The following TRMT11 variants were observed in gnomAD, a reference collection of about 807,000 sequenced individuals.
The protein encoded by TRMT11 is tRNA (guanine(10)-N(2))-methyltransferase TRMT11.
TRMT11 carries 53 observed loss-of-function variants against 62.8 expected under a neutral mutation model. The observed-to-expected ratio is 0.84, with a 90% CI of 0.68 to 1.06. TRMT11 has a LOEUF of 1.06. TRMT11 is among the 50% of genes least tolerant of loss of function. TRMT11 has a pLI of 0.00. For synonymous variants in TRMT11, 188 were observed against 190.3 expected (o/e 0.99, Z 0.10); for missense variants, 556 against 553.4 (o/e 1.00, Z -0.05).
At chr6:126,009,494 A>G (rs1343778802) in intron 8 of TRMT11, 1 of 152,012 alleles carries the variant, frequency 6.6e-6, no homozygotes, top group African/African-American at 2.4e-5. Flanking sequence ...GTTGGTATTC[A>G]TTATAATAAC....
At chr6:126,235,863 A>C in the TRMT11 span, among the ~76,000 whole-genome samples, 5 of 152,238 alleles carry the variant, frequency 3.3e-5, no homozygotes, top group East Asian at 1.9e-4. Context: ...ACTTAAAAAA[A>C]AGTTGGAAAT....
intron 1 of TRMT11, among the ~76,000 whole-genome samples, chr6:126,193,692 A>C (rs1778632073): frequency 6.6e-6 from 1 of 151,352 alleles, no homozygotes. Flanking sequence ...ACGGGGTTTC[A>C]CCATTCTAGC....
chr6:126,032,739 C>A (rs962765144), intron 12 of TRMT11, among the ~76,000 whole-genome samples: 1 of 152,166 alleles, frequency 6.6e-6, no homozygotes, highest in African/African-American at 2.4e-5. Flanking sequence ...ACTGTACGTA[C>A]AAGCTCTGTG....
intron 21 of TRMT11, among the ~76,000 whole-genome samples, chr6:126,120,299 A>G (rs1777634810): frequency 6.6e-6 from 1 of 152,120 alleles, no homozygotes; most frequent in South Asian, 2.1e-4. Flanking sequence ...AAATATGCTA[A>G]TAATATGATC....
chr6:126,060,989 C>CT (rs1215805110), intron 17 of TRMT11, among the ~76,000 whole-genome samples: 2 of 152,328 alleles, frequency 1.3e-5, no homozygotes, highest in African/African-American at 4.8e-5. Context: ...TCAAATCTTT[C>CT]TAAGAGTTGC....
At chr6:126,254,514 T>C in the TRMT11 span, among the ~76,000 whole-genome samples, 1 of 152,238 alleles carries the variant, frequency 6.6e-6, no homozygotes, top group Non-Finnish European at 1.5e-5. Context: ...GTGAGTCTCA[T>C]GAGGGGCTTA....
At chr6:126,181,485 T>C (rs1778466515) in intron 1 of TRMT11, among the ~76,000 whole-genome samples, 1 of 152,162 alleles carries the variant, frequency 6.6e-6, no homozygotes, top group South Asian at 2.1e-4. Flanking sequence ...TTTAGGCCTC[T>C]TGGGTCATGT....
chr6:126,165,892 C>G (rs1055008948), intron 21 of TRMT11, among the ~76,000 whole-genome samples: 1 of 152,194 alleles, frequency 6.6e-6, no homozygotes, highest in Non-Finnish European at 1.5e-5. Context: ...AAGTTGGTTC[C>G]TTTCTCCCTG....
chr6:126,073,957 C>G (rs1386653121), intron 17 of TRMT11, among the ~76,000 whole-genome samples: 1 of 152,032 alleles, frequency 6.6e-6, no homozygotes, highest in Admixed American at 6.6e-5. Flanking sequence ...GGTAAAGCCC[C>G]TTATAAAACC....
chr6:126,185,162 A>G (rs1029827203), intron 1 of TRMT11, among the ~76,000 whole-genome samples: 1 of 152,130 alleles, frequency 6.6e-6, no homozygotes, highest in African/African-American at 2.4e-5. Context: ...TCCCCTGGAA[A>G]TAAGTCACAT....
intron 7 of TRMT11, among the ~76,000 whole-genome samples, chr6:126,000,218 CT>C (rs1170167042): frequency 6.6e-6 from 1 of 152,154 alleles, no homozygotes; most frequent in Non-Finnish European, 1.5e-5. Context: ...AAAACTCCAT[CT>C]GACTCTGTGC....
upstream of TRMT11, among the ~76,000 whole-genome samples, chr6:126,174,042 T>G (rs1221736750): frequency 6.6e-6 from 1 of 152,172 alleles, no homozygotes; most frequent in Non-Finnish European, 1.5e-5. Context: ...ACATGCAGAA[T>G]CTCAAGTTCC....
At chr6:126,010,392 T>C (rs1793999494) in intron 8 of TRMT11, among the ~76,000 whole-genome samples, 1 of 152,088 alleles carries the variant, frequency 6.6e-6, no homozygotes, top group Non-Finnish European at 1.5e-5. Context: ...CTACCTATCT[T>C]TGAGCACTTC....
chr6:126,260,163 C>T, the TRMT11 span, among the ~76,000 whole-genome samples: 9 of 151,540 alleles, frequency 5.9e-5, no homozygotes, highest in Non-Finnish European at 1.2e-4. Context: ...TGTTGTATAC[C>T]TTTGTGGTTT....
At chr6:126,051,479 C>T (rs377461292) in intron 16 of TRMT11, among the ~76,000 whole-genome samples, 2 of 152,084 alleles carry the variant, frequency 1.3e-5, no homozygotes, top group Admixed American at 1.3e-4. Flanking sequence ...TGGATTTTCA[C>T]TAGGGAAGCC....
the TRMT11 span, among the ~76,000 whole-genome samples, chr6:126,227,965 T>C: frequency 6.6e-6 from 1 of 152,126 alleles, no homozygotes; most frequent in African/African-American, 2.4e-5. Flanking sequence ...GGGGCACAGG[T>C]GGGAGAGGAG....
At chr6:125,986,736 G>A (rs777893255) in intron 1 of TRMT11, 114 bp downstream of exon 1, 1 of 988,496 alleles carries the variant, frequency 1.0e-6, no homozygotes, top group Non-Finnish European at 1.5e-6. Flanking sequence ...GGTCTTCGCT[G>A]GTCTGCGCGG....
chr6:126,124,569 T>C (rs1457530439), intron 21 of TRMT11, among the ~76,000 whole-genome samples: 1 of 152,114 alleles, frequency 6.6e-6, no homozygotes, highest in African/African-American at 2.4e-5. Flanking sequence ...TGACACTGTA[T>C]CACTTCCAAG....
the TRMT11 span, among the ~76,000 whole-genome samples, chr6:126,248,801 A>C: frequency 6.6e-6 from 1 of 152,152 alleles, no homozygotes; most frequent in South Asian, 2.1e-4. Flanking sequence ...AACAGTAGCA[A>C]TAAGTAAAAT....
Sources: gnomAD v4.1 joint callset for allele counts (sites outside exome capture counted in the v4.1 genomes callset) on GRCh38, gnomAD v4.1.1 for gene constraint, MANE v1.5 for transcripts, NCBI Gene and HGNC (gene_info 2026-07-23, HGNC 2026-07-21) for gene names.